CCDC71: variants seen among roughly 807,000 people sequenced by gnomAD.
The protein encoded by CCDC71 is coiled-coil domain containing 71, also known as coiled-coil domain-containing protein 71.
For missense variants in CCDC71, 594 were observed against 604.0 expected (o/e 0.98, Z 0.17); for synonymous variants, 257 against 242.2 (o/e 1.06, Z -0.57).
rs1014856859 is a variant in CCDC71 at position 49,163,277 on chromosome 3, G to A, written c.932C>T (p.Ala311Val). The A allele has an allele frequency of 1.3e-6, 2 of 1,590,164 alleles. No homozygotes were observed. The highest frequency in any genetic ancestry group is 1.7e-4 in the Middle Eastern group (1 of 5,978). The change falls in exon 2 of 2, where the codon GCC becomes GTC. Residue 311 changes from alanine to valine, a missense_variant. Transcript: ENST00000321895. ...CTTGACCTGTGCTGCCTTGGCCTTG[G>A]CCCGGGCCTTAGCAGCCTTGGCCTG... Reference protein sequence around the residue: ...RTQAKAAKARAKAKAAQVKAK... With the variant: ...RTQAKAAKARVKAKAAQVKAK...
intron 1 of CCDC71, among the ~76,000 whole-genome samples, chr3:49,165,019 G>A (rs1249217003): frequency 1.3e-5 from 2 of 152,196 alleles, no homozygotes; most frequent in African/African-American, 2.4e-5. Context: ...CCCACCAGAA[G>A]TTCTGTTTTC....
Position 49,164,131 on chromosome 3 carries a change from G to A in CCDC71, c.78C>T (p.Ala26=), listed in dbSNP as rs2045709803. ...TAAAGACAAGCAGTGCCTCTTCCAG[G>A]GCCTTCTTCCCTGCCGTGGAGATGC... ...WSRISTAGKK[A]LEEALLVFNP... The change falls in exon 2 of 2, where the codon GCC becomes GCT. Residue 26 remains alanine, a synonymous_variant. Coordinates refer to ENST00000321895, the MANE Select transcript of CCDC71 (RefSeq NM_022903.4). 12 of 1,613,730 alleles carry A rather than the reference G, an allele frequency of 7.4e-6. No homozygotes were observed. Among genetic ancestry groups the A allele is most frequent in the African/African-American group, 1.3e-5 (1 of 75,006 alleles).
At position 49,163,981 on chromosome 3, in the gene CCDC71, G is replaced by A. The variant is rs886862479; in HGVS notation, c.228C>T (p.Cys76=). Residue 76 remains cysteine, a synonymous_variant, in exon 2 of 2, where the codon TGC becomes TGT. Coordinates refer to ENST00000321895, the MANE Select transcript of CCDC71 (RefSeq NM_022903.4). ...RSGDVYGYSS[C]TANPPSQTKL... is the part of the protein sequence containing the mutation. ...TCGTCTGGCTTGGGGGATTAGCTGT[G>A]CATGAACTATAGCCATAGACATCAC... 6.2e-7 allele frequency: 1 copy of A among 1,614,178 alleles called. No individual in the cohort carries two copies. Among genetic ancestry groups the A allele is most frequent in the Non-Finnish European group, 8.5e-7 (1 of 1,180,026 alleles).
chr3:49,165,759 C>A (rs1277420760), intron 1 of CCDC71, among the ~76,000 whole-genome samples: 3 of 152,274 alleles, frequency 2.0e-5, no homozygotes, highest in African/African-American at 7.2e-5. Flanking sequence ...CTATTTCCCA[C>A]CCTCACACGC....
In CCDC71 at chr3:49,163,284, C is replaced by G. The variant is rs778805507; in HGVS notation, c.925G>C (p.Ala309Pro). ...TGTGCTGCCTTGGCCTTGGCCCGGG[C>G]CTTAGCAGCCTTGGCCTGTGTTCGA... ...VARTQAKAAKARAKAKAAQVK... is the reference protein window; with the variant it reads ...VARTQAKAAKPRAKAKAAQVK... The change falls in exon 2 of 2, where the codon GCC (alanine) becomes CCC (proline). Residue 309 changes from alanine to proline, a missense_variant. Ala to Pro is a conservative substitution (Grantham distance 27). Transcript: ENST00000321895. The G allele has an allele frequency of 5.7e-6, 9 of 1,590,166 alleles. No individual in the cohort carries two copies. The highest frequency in any genetic ancestry group is 7.8e-6 in the Non-Finnish European group (9 of 1,161,086).
rs560089253 is a variant in CCDC71, at chr3:49,163,851, G to C, written c.358C>G (p.Pro120Ala). The change falls in exon 2 of 2, where the codon CCG becomes GCG. Residue 120 changes from proline (P) to alanine (A), a missense_variant. By Grantham distance (27) the Pro-to-Ala change is conservative. Coordinates refer to ENST00000321895, the MANE Select transcript of CCDC71 (RefSeq NM_022903.4). ...GCTTTGGCCAGTCTGCCAGATAGCG[G>C]CATGGGAAGCAGTGTGGCCCGACCT... ...PAGRATLLPM[P>A]LSGRLAKAST... 6.2e-7 allele frequency: 1 copy of C among 1,614,208 alleles called. No individual in the cohort carries two copies. The highest frequency in any genetic ancestry group is 1.3e-5 in the African/African-American group (1 of 75,048).
rs756169781 is a variant in CCDC71 at position 49,163,481 on chromosome 3, C to T, written c.728G>A (p.Gly243Asp). Residue 243 changes from glycine (G) to aspartate (D), a missense_variant, in exon 2 of 2, where the codon GGC (glycine) becomes GAC (aspartate). Gly to Asp is a moderately conservative substitution (Grantham distance 94). Transcript: ENST00000321895. Reference sequence around the variant, plus strand: ...GCCTCGTCGGGGTCCAGCCCCAGGGCCTTTGCGAGTCAGACACTTGGGGCC... The same window carrying T: ...GCCTCGTCGGGGTCCAGCCCCAGGGTCTTTGCGAGTCAGACACTTGGGGCC... The part of the protein sequence containing the change: ...SKGPKCLTRK[G>D]PGAGPRRGSG... The T allele has an allele frequency of 6.8e-6, 11 of 1,614,108 alleles. No homozygotes were observed. The highest frequency in any genetic ancestry group is 2.5e-6 in the Non-Finnish European group (3 of 1,180,050).
At chr3:49,164,505 G>A (rs554570608) in intron 1 of CCDC71, among the ~76,000 whole-genome samples, 2 of 152,306 alleles carry the variant, frequency 1.3e-5, no homozygotes, top group South Asian at 2.1e-4. Flanking sequence ...CCAACCTGCT[G>A]CCGGGTCCCT....
chr3:49,163,266 C>G lies in CCDC71; in HGVS notation c.943G>C (p.Ala315Pro), dbSNP rs759077974. The G allele has an allele frequency of 1.9e-6, 3 of 1,589,726 alleles. No homozygotes were observed. The highest frequency in any genetic ancestry group is 2.6e-6 in the Non-Finnish European group (3 of 1,160,680). The change falls in exon 2 of 2, where the codon GCA (alanine) becomes CCA (proline). Residue 315 changes from alanine (A) to proline (P), a missense_variant. Physicochemically the swap from Ala to Pro is conservative, Grantham distance 27. Transcript: ENST00000321895. ...TTGGCCTTAGCCTTGACCTGTGCTG[C>G]CTTGGCCTTGGCCCGGGCCTTAGCA... ...KAAKARAKAKAAQVKAKAKAK... is the reference protein window; with the variant it reads ...KAAKARAKAKPAQVKAKAKAK...
Position 49,164,034 on chromosome 3 carries a change from C to T in CCDC71, c.175G>A (p.Gly59Ser), listed in dbSNP as rs757849834. The T allele has an allele frequency of 6.2e-7, 1 of 1,614,122 alleles. No homozygotes were observed. Among genetic ancestry groups the T allele is most frequent in the Non-Finnish European group, 8.5e-7 (1 of 1,180,032 alleles). ...VAFLQGLRDD[G>S]FQPTILRSGD... Reference sequence around the variant, plus strand: ...CTGCGCAGGATGGTAGGTTGGAAGCCATCATCTCGCAGGCCCTGCAGGAAG... The same window carrying T: ...CTGCGCAGGATGGTAGGTTGGAAGCTATCATCTCGCAGGCCCTGCAGGAAG... The change falls in exon 2 of 2, where the codon GGC becomes AGC. Residue 59 changes from glycine to serine, a missense_variant. Physicochemically the swap from Gly to Ser is moderately conservative, Grantham distance 56. Transcript: ENST00000321895.
In CCDC71 at chr3:49,164,137, C is replaced by G. The variant is rs1378586905; in HGVS notation, c.72G>C (p.Lys24Asn). 1 of 1,613,768 alleles carries G rather than the reference C, an allele frequency of 6.2e-7. No homozygotes were observed. Among genetic ancestry groups the G allele is most frequent in the Admixed American group, 1.7e-5 (1 of 60,022 alleles). ...HSWSRISTAG[K>N]KALEEALLVF... ...CAAGCAGTGCCTCTTCCAGGGCCTTCTTCCCTGCCGTGGAGATGCGCGACC... is the reference window on the plus strand; with the variant it reads ...CAAGCAGTGCCTCTTCCAGGGCCTTGTTCCCTGCCGTGGAGATGCGCGACC... Residue 24 changes from lysine to asparagine, a missense_variant, in exon 2 of 2, where the codon AAG (lysine) becomes AAC (asparagine). Coordinates refer to ENST00000321895, the MANE Select transcript of CCDC71 (RefSeq NM_022903.4).
In CCDC71 at chr3:49,163,796, G is replaced by A; in HGVS notation, c.413C>T (p.Thr138Ile). Residue 138 changes from threonine (T) to isoleucine (I), a missense_variant, in exon 2 of 2, where the codon ACC becomes ATC. Transcript: ENST00000321895. ...ASTPALAKHA[T>I]TNLLLSSLKQ... ...CAGAGAGCTCAGCAGCAGGTTGGTGGTAGCATGCTTGGCAAGGGCTGGTGT... is the reference window on the plus strand; with the variant it reads ...CAGAGAGCTCAGCAGCAGGTTGGTGATAGCATGCTTGGCAAGGGCTGGTGT... The A allele has an allele frequency of 6.2e-7, 1 of 1,614,188 alleles. No individual in the cohort carries two copies. Among genetic ancestry groups the A allele is most frequent in the Non-Finnish European group, 8.5e-7 (1 of 1,180,046 alleles).
Position 49,163,276 on chromosome 3 carries a change from G to C in CCDC71, c.933C>G (p.Ala311=). ...CCTTGACCTGTGCTGCCTTGGCCTT[G>C]GCCCGGGCCTTAGCAGCCTTGGCCT... ...RTQAKAAKAR[A]KAKAAQVKAK... The change falls in exon 2 of 2, where the codon GCC becomes GCG. Residue 311 remains alanine (A), a synonymous_variant. Transcript: ENST00000321895. The C allele has an allele frequency of 1.3e-6, 2 of 1,589,902 alleles. No homozygotes were observed. Among genetic ancestry groups the C allele is most frequent in the Non-Finnish European group, 1.7e-6 (2 of 1,160,986 alleles).
chr3:49,162,540 A>G lies in CCDC71; in HGVS notation c.*265T>C, dbSNP rs970001011. ...TGGGCAGGGAGACTGGAAGGTGGAAAGGTATAAAACGTGATAGATGGAACA... is the reference window on the plus strand; with the variant it reads ...TGGGCAGGGAGACTGGAAGGTGGAAGGGTATAAAACGTGATAGATGGAACA... On this transcript the variant is annotated 3_prime_UTR_variant, in exon 2 of 2. Coordinates refer to ENST00000321895, the MANE Select transcript of CCDC71 (RefSeq NM_022903.4). 10 of 506,752 alleles carry G rather than the reference A, an allele frequency of 2.0e-5. No homozygotes were observed. Among genetic ancestry groups the G allele is most frequent in the Admixed American group, 1.8e-4 (5 of 28,360 alleles). 31.4% of individuals were successfully genotyped at this position (506,752 alleles called of 1,614,324 possible).
At chr3:49,165,255 G>A (rs1451652947) in intron 1 of CCDC71, among the ~76,000 whole-genome samples, 2 of 152,234 alleles carry the variant, frequency 1.3e-5, no homozygotes, top group South Asian at 2.1e-4. Context: ...GGTGAGTCAA[G>A]GGGACATTAG....
In CCDC71 at chr3:49,163,389, A is replaced by G. The variant is rs748187550; in HGVS notation, c.820T>C (p.Ser274Pro). 5.6e-6 allele frequency: 9 copies of G among 1,613,930 alleles called. No individual in the cohort carries two copies. The highest frequency in any genetic ancestry group is 1.3e-5 in the African/African-American group (1 of 74,928). The part of the protein sequence containing the change: ...SPSVRRMKGG[S>P]ALGTKTAQAK... ...TGGGCTGTTTTGGTGCCCAGGGCAG[A>G]GCCCCCTTTCATTCGCCGGACACTG... The change falls in exon 2 of 2, where the codon TCT (serine) becomes CCT (proline). Residue 274 changes from serine to proline, a missense_variant. Transcript: ENST00000321895.
Position 49,166,146 on chromosome 3 carries a change from G to A in CCDC71, c.-53+121C>T, listed in dbSNP as rs1408484932. 2 of 151,894 alleles carry A rather than the reference G, an allele frequency of 1.3e-5. No individual in the cohort carries two copies. The highest frequency in any genetic ancestry group is 4.8e-5 in the African/African-American group (2 of 41,394). 9.4% of individuals were successfully genotyped at this position (151,894 alleles called of 1,614,324 possible). On this transcript the variant is annotated intron_variant, in intron 1 of 1. Transcript: ENST00000321895. This position sits in a 1 kb window ranked among gnomAD's most constrained non-coding sequence, Gnocchi z 4.0. ...TGGGCGCGGGGTGGGGGTGGGGTGG[G>A]GGGTCTCGGCCAGGCCGGCGGAGGA...
In CCDC71 at chr3:49,162,789, T is replaced by G; in HGVS notation, c.*16A>C. 6.2e-7 allele frequency: 1 copy of G among 1,607,796 alleles called. No individual in the cohort carries two copies. The highest frequency in any genetic ancestry group is 8.5e-7 in the Non-Finnish European group (1 of 1,175,826). On this transcript the variant is annotated 3_prime_UTR_variant, in exon 2 of 2. Transcript: ENST00000321895. ...CAGCTGGGCTTAGTTTCCCCAAACA[T>G]TGCCGTGTGAAGGAATCAGACTGCT...
At position 49,162,964 on chromosome 3, in the gene CCDC71, C is replaced by A; in HGVS notation, c.1245G>T (p.Trp415Cys). Residue 415 changes from tryptophan (W) to cysteine (C), a missense_variant, in exon 2 of 2, where the codon TGG becomes TGT. By Grantham distance (215) the Trp-to-Cys change is radical. Transcript: ENST00000321895. The part of the protein sequence containing the change: ...TRLGPRSPKA[W>C]LGPGTAKLLK... ...GCAGCTTTGCTGTTCCAGGCCCTAG[C>A]CATGCCTTAGGAGATCGGGGCCCAA... 6.2e-7 allele frequency: 1 copy of A among 1,614,268 alleles called. No homozygotes were observed. The highest frequency in any genetic ancestry group is 8.5e-7 in the Non-Finnish European group (1 of 1,180,046).
Sources: allele counts gnomAD v4.1 joint callset (sites outside exome capture counted in the v4.1 genomes callset), GRCh38; gene constraint gnomAD v4.1.1; non-coding constraint Gnocchi (gnomAD v3.1); transcripts MANE v1.5; gene names NCBI Gene and HGNC (gene_info 2026-07-23, HGNC 2026-07-21).